RIN2: variants seen among roughly 807,000 people sequenced by gnomAD.
The protein encoded by RIN2 is RAB5 interacting protein 2.
RIN2 carries 36 observed loss-of-function variants against 78.0 expected under a neutral mutation model. That is an observed-to-expected ratio of 0.46 (90% CI 0.35 to 0.61). The LOEUF (loss-of-function observed/expected upper bound fraction) is 0.61, where lower values mean the gene tolerates loss of function less well. Ranked by LOEUF, RIN2 falls within the 20% of genes least tolerant of loss-of-function variation. RIN2 has a pLI of 0.00. For synonymous variants in RIN2, 466 were observed against 466.8 expected, an observed-to-expected ratio of 1.00 and a Z score of 0.02; for missense variants, 1,087 against 1,159.7, an observed-to-expected ratio of 0.94 and a Z score of 0.91.
At chr20:19,857,929 C>A (rs945270389) in intron 2 of RIN2, among the ~76,000 whole-genome samples, 4 of 152,058 alleles carry the variant, frequency 2.6e-5, no homozygotes, top group African/African-American at 9.7e-5. Flanking sequence ...TCCATTTAAG[C>A]CTTTTGTTCT....
At chr20:19,963,261 T>C (rs1275758832) in intron 6 of RIN2, among the ~76,000 whole-genome samples, 1 of 152,108 alleles carries the variant, frequency 6.6e-6, no homozygotes, top group Non-Finnish European at 1.5e-5. Flanking sequence ...TGTGATGGTA[T>C]ATGTGTAGCG....
intron 1 of RIN2, among the ~76,000 whole-genome samples, chr20:19,792,939 CTG>C (rs36049213): frequency 0.16 from 23,327 of 146,724 alleles, 1,976 homozygotes; most frequent in African/African-American, 0.25. Flanking sequence ...TAAGCAGCCA[CTG>C]TGTGTGTGTG....
intron 12 of RIN2, among the ~76,000 whole-genome samples, chr20:19,998,245 G>A (rs1197777769): frequency 6.6e-6 from 1 of 151,852 alleles, no homozygotes; most frequent in East Asian, 2.0e-4. Context: ...GCTTCCCAAA[G>A]TGCTGGGATT....
chr20:19,995,470 T>C (rs925341624), intron 11 of RIN2, among the ~76,000 whole-genome samples: 1 of 152,152 alleles, frequency 6.6e-6, no homozygotes, highest in African/African-American at 2.4e-5. Context: ...CCCTAGTGGC[T>C]CTTCAGCGCA....
rs2034770232 is a variant in RIN2 at position 19,788,441 on chromosome 20, A to AAAACAAAAACAAAAACAAAAAC, written c.-162-11178_-162-11177insCAAAAACAAAAACAAAAACAAA. Among the ~76,000 whole-genome samples the AAAACAAAAACAAAAACAAAAAC allele has an allele frequency of 1.3e-5, 2 of 148,886 alleles. 1 individual carries two copies. Among genetic ancestry groups the AAAACAAAAACAAAAACAAAAAC allele is most frequent in the Non-Finnish European group, 3.0e-5 (2 of 67,548 alleles). On this transcript the variant is annotated intron_variant, in intron 1 of 12. Transcript: ENST00000255006. ...GAAATCCTGTCTCTGCCAAAAAAAAAAAAAAAAACAACTAGCTAGGCATGG... is the reference window on the plus strand; with the variant it reads ...GAAATCCTGTCTCTGCCAAAAAAAAAAAACAAAAACAAAAACAAAAACAAAAAAAACAACTAGCTAGGCATGG...
chr20:19,969,375 C>T (rs188233122), intron 7 of RIN2, among the ~76,000 whole-genome samples: 19 of 152,266 alleles, frequency 1.2e-4, no homozygotes, highest in African/African-American at 4.3e-4. Flanking sequence ...CAGACCCTCC[C>T]CACCCCAGGG....
At chr20:19,758,218 TTCCTCC>T (rs997020221), upstream of RIN2, 3 of 72,828 alleles carry the variant, frequency 4.1e-5, no homozygotes, top group Non-Finnish European at 9.0e-5. Flanking sequence ...CTTCCTCCTC[TTCCTCC>T]TCCTCCTCTT....
chr20:19,987,626 G>A (rs1278749247), intron 9 of RIN2, among the ~76,000 whole-genome samples: 2 of 152,108 alleles, frequency 1.3e-5, no homozygotes, highest in African/African-American at 4.8e-5. Flanking sequence ...TTAGATGGAG[G>A]CTGGCCCATC....
intron 4 of RIN2, among the ~76,000 whole-genome samples, chr20:19,952,480 G>A (rs530567352): frequency 5.3e-4 from 81 of 152,366 alleles, no homozygotes; most frequent in African/African-American, 1.9e-3. Context: ...GTGGCTGGCT[G>A]AATCAAGGTG....
intron 2 of RIN2, among the ~76,000 whole-genome samples, chr20:19,855,189 A>T (rs934604745): frequency 2.1e-4 from 32 of 151,506 alleles, no homozygotes; most frequent in Non-Finnish European, 4.6e-4. Context: ...ACATTTATTG[A>T]TTTGCGTATG....
intron 2 of RIN2, among the ~76,000 whole-genome samples, chr20:19,863,560 A>G (rs938834737): frequency 2.0e-5 from 3 of 152,142 alleles, no homozygotes; most frequent in African/African-American, 7.2e-5. Flanking sequence ...TACCAGCATT[A>G]CTCTGTGAGA....
intron 3 of RIN2, among the ~76,000 whole-genome samples, chr20:19,897,523 G>A (rs1172351910): frequency 6.6e-6 from 1 of 152,056 alleles, no homozygotes; most frequent in Non-Finnish European, 1.5e-5. Flanking sequence ...GGAAACTGAG[G>A]CCCAGTTTAG....
At position 19,819,743 on chromosome 20, in the gene RIN2, G is replaced by C. The variant is rs191642631; in HGVS notation, c.-37+19996G>C. Among the ~76,000 whole-genome samples, 553 of 152,154 alleles carry C rather than the reference G, an allele frequency of 3.6e-3. 10 individuals carry two copies. Among genetic ancestry groups the C allele is most frequent in the South Asian group, 0.034 (165 of 4,810 alleles). Reference sequence around the variant, plus strand: ...GAGATGGGGTCTCACTATGTTGCCTGGACTGGTCTGAAACCCCTGAGCTCA... The same window carrying C: ...GAGATGGGGTCTCACTATGTTGCCTCGACTGGTCTGAAACCCCTGAGCTCA... On this transcript the variant is annotated intron_variant, in intron 2 of 12. Transcript: ENST00000255006.
rs142603182 is a variant in RIN2, at chr20:19,956,063, C to G, written c.159-552C>G. Among the ~76,000 whole-genome samples the G allele has an allele frequency of 4.3e-3, 655 of 152,084 alleles. 8 individuals are homozygous for G. Among genetic ancestry groups the G allele is most frequent in the African/African-American group, 0.014 (578 of 41,498 alleles). On this transcript the variant is annotated intron_variant, in intron 4 of 12. Transcript: ENST00000255006. ...CCTGAGGTCAAGAGTTCAAGACCAG[C>G]CTGGCCAACATGGCGACACCCTATC...
At chr20:20,000,487 A>T in intron 12 of RIN2, 126 bp from the exon 13 acceptor site, 1 of 734,780 alleles carries the variant, frequency 1.4e-6, no homozygotes, top group Non-Finnish European at 2.2e-6. Context: ...TCGTGGCCTG[A>T]CATCGGACAT....
chr20:19,981,070 TA>T (rs5840863), intron 9 of RIN2, among the ~76,000 whole-genome samples: 51,800 of 151,890 alleles, frequency 0.34, 9,795 homozygotes, highest in Non-Finnish European at 0.44. Flanking sequence ...CTTTAATGTA[TA>T]AGAATCCCTT....
intron 2 of RIN2, among the ~76,000 whole-genome samples, chr20:19,847,525 C>T (rs1473584969): frequency 1.3e-5 from 2 of 152,042 alleles, no homozygotes; most frequent in Non-Finnish European, 2.9e-5. Context: ...TTCCGGAGAC[C>T]CAGAGGGGGT....
At chr20:19,760,215 G>A (rs951588826) in intron 1 of RIN2, among the ~76,000 whole-genome samples, 12 of 152,216 alleles carry the variant, frequency 7.9e-5, no homozygotes, top group African/African-American at 2.9e-4. Flanking sequence ...CCGGGACAGT[G>A]AAGGGCCCTT....
intron 2 of RIN2, among the ~76,000 whole-genome samples, chr20:19,849,240 C>T (rs2036881064): frequency 6.6e-6 from 1 of 152,182 alleles, no homozygotes; most frequent in Non-Finnish European, 1.5e-5. Context: ...TACTATTTTG[C>T]CATCTGAATA....
Sources: gnomAD v4.1 joint callset for allele counts (sites outside exome capture counted in the v4.1 genomes callset) on GRCh38, gnomAD v4.1.1 for gene constraint, MANE v1.5 for transcripts, NCBI Gene and HGNC (gene_info 2026-07-23, HGNC 2026-07-21) for gene names.